The following C1orf185 variants were observed in gnomAD, a reference collection of about 807,000 sequenced individuals.
C1orf185 encodes the protein uncharacterized protein C1orf185.
A neutral mutation model predicts 16.1 loss-of-function variants in C1orf185; 13 were observed. The observed-to-expected ratio is 0.81, with a 90% CI of 0.53 to 1.28. The LOEUF is 1.28. Among genes scored for constraint, C1orf185 ranks in the 50% most tolerant of loss-of-function variants. The pLI is 0.00. For missense variants in C1orf185, 220 were observed against 225.2 expected, an observed-to-expected ratio of 0.98 and a Z score of 0.15; for synonymous variants, 80 against 76.9, an observed-to-expected ratio of 1.04 and a Z score of -0.21.
chr1:51,132,206 C>G (rs1015144409), intron 3 of C1orf185, among the ~76,000 whole-genome samples: 3 of 152,120 alleles, frequency 2.0e-5, no homozygotes. Context: ...TCCAAATGAC[C>G]ATCAGCTCTC....
intron 3 of C1orf185, among the ~76,000 whole-genome samples, chr1:51,133,126 T>C (rs940415866): frequency 1.4e-4 from 21 of 152,118 alleles, no homozygotes; most frequent in African/African-American, 5.1e-4. Flanking sequence ...TACGGACCAG[T>C]GACACTATAA....
At chr1:51,123,001 T>TATTTCTTAC (rs1646209047) in intron 3 of C1orf185, among the ~76,000 whole-genome samples, 1 of 152,158 alleles carries the variant, frequency 6.6e-6, no homozygotes, top group African/African-American at 2.4e-5. Context: ...AAACGAAATG[T>TATTTCTTAC]ATTTCTTACA....
At chr1:51,120,961 G>A (rs183329955) in intron 3 of C1orf185, among the ~76,000 whole-genome samples, 1 of 151,930 alleles carries the variant, frequency 6.6e-6, no homozygotes, top group African/African-American at 2.4e-5. Flanking sequence ...AGATAATTCA[G>A]GATTCTTTTA....
At chr1:51,139,310 C>T (rs186417721) in intron 3 of C1orf185, among the ~76,000 whole-genome samples, 1 of 152,162 alleles carries the variant, frequency 6.6e-6, no homozygotes, top group East Asian at 1.9e-4. Flanking sequence ...ACCATGTTGG[C>T]CAAGCTGGTC....
chr1:51,115,454 T>C (rs1646151099), intron 2 of C1orf185, among the ~76,000 whole-genome samples: 1 of 152,246 alleles, frequency 6.6e-6, no homozygotes, highest in South Asian at 2.1e-4. Flanking sequence ...ATTCTTTTGT[T>C]AATGGACATT....
chr1:51,105,211 C>T lies in C1orf185; in HGVS notation c.16+2962C>T, dbSNP rs191438104. ...CGAACTCCTCACCTCAGATGATCTG[C>T]CTGCCTCGGCCTCCCAAAGTGCTGG... is the stretch of plus-strand genomic sequence containing the variant. On this transcript the variant is annotated intron_variant, in intron 1 of 4. Transcript: ENST00000371759. 2.6e-5 allele frequency among the ~76,000 whole-genome samples: 4 copies of T among 152,198 alleles called. No individual in the cohort carries two copies. In the East Asian group the frequency reaches 7.7e-4, roughly 29 times the overall value.
chr1:51,112,428 A>C (rs1478281061), intron 1 of C1orf185, 36 bp from the exon 2 acceptor site: 1 of 1,458,180 alleles, frequency 6.9e-7, no homozygotes, highest in Admixed American at 2.1e-5. Flanking sequence ...ATAAAAATAC[A>C]TGCATGAAAT....
chr1:51,118,624 C>T lies in C1orf185; in HGVS notation c.123-42C>T, dbSNP rs1412528713. ...ATAATGATTTTAATTGTTTTATAAT[C>T]TAACTCAGGTTTAATAATATTCTTT... is the stretch of plus-strand genomic sequence containing the variant. On this transcript the variant is annotated intron_variant, in intron 2 of 4. Coordinates refer to ENST00000371759, the MANE Select transcript of C1orf185 (RefSeq NM_001136508.2). The T allele has an allele frequency of 2.6e-6, 3 of 1,139,202 alleles. No homozygotes were observed. In the African/African-American group the frequency reaches 4.8e-5, roughly 18 times the overall value. 70.6% of individuals were successfully genotyped at this position (1,139,202 alleles called of 1,614,324 possible). A position where few individuals can be genotyped will look rare whatever the true frequency, so the allele number is the denominator to read the frequency against.
intron 3 of C1orf185, among the ~76,000 whole-genome samples, chr1:51,127,797 T>C (rs1281804222): frequency 1.3e-5 from 2 of 152,142 alleles, no homozygotes; most frequent in Non-Finnish European, 2.9e-5. Flanking sequence ...GATATTGGGT[T>C]GTTTTTAGTT....
chr1:51,122,039 A>G (rs1290512529), intron 3 of C1orf185, among the ~76,000 whole-genome samples: 1 of 152,162 alleles, frequency 6.6e-6, no homozygotes, highest in East Asian at 1.9e-4. Context: ...TCCATATCTA[A>G]TCTTTCCTTT....
At chr1:51,135,033 G>A (rs1646313036) in intron 3 of C1orf185, among the ~76,000 whole-genome samples, 1 of 152,162 alleles carries the variant, frequency 6.6e-6, no homozygotes, top group African/African-American at 2.4e-5. Flanking sequence ...AAACCTGGCA[G>A]AGACACAAAA....
At chr1:51,110,900 C>T (rs759848784) in intron 1 of C1orf185, among the ~76,000 whole-genome samples, 31 of 147,062 alleles carry the variant, frequency 2.1e-4, no homozygotes, top group Non-Finnish European at 3.9e-4. Flanking sequence ...ACCCAGGAGT[C>T]GGAGGTTGCA....
At chr1:51,117,010 T>C (rs562637815) in intron 2 of C1orf185, among the ~76,000 whole-genome samples, 1 of 152,204 alleles carries the variant, frequency 6.6e-6, no homozygotes, top group East Asian at 1.9e-4. Flanking sequence ...ATTTCCACTC[T>C]TGTAATTTTT....
At chr1:51,126,646 A>G (rs895985603) in intron 3 of C1orf185, among the ~76,000 whole-genome samples, 1 of 152,214 alleles carries the variant, frequency 6.6e-6, no homozygotes. Flanking sequence ...GATTTATAGA[A>G]CAGTCATGAA....
intron 2 of C1orf185, among the ~76,000 whole-genome samples, chr1:51,115,031 T>G (rs1646147841): frequency 6.6e-6 from 1 of 152,126 alleles, no homozygotes; most frequent in Non-Finnish European, 1.5e-5. Flanking sequence ...ACTTTTTATG[T>G]CTGTTTTTTT....
At chr1:51,148,435 A>G (rs1481527658), downstream of C1orf185, among the ~76,000 whole-genome samples, 1 of 152,160 alleles carries the variant, frequency 6.6e-6, no homozygotes, top group Non-Finnish European at 1.5e-5. Context: ...AAAAAAATAT[A>G]TATTTTTGAA....
At chr1:51,152,276 A>G (rs1646433112), downstream of C1orf185, among the ~76,000 whole-genome samples, 1 of 152,182 alleles carries the variant, frequency 6.6e-6, no homozygotes, top group African/African-American at 2.4e-5. Flanking sequence ...GCCTCTCTAT[A>G]GTCTGTTTCC....
At chr1:51,139,122 G>A (rs1646347357) in intron 3 of C1orf185, among the ~76,000 whole-genome samples, 1 of 149,926 alleles carries the variant, frequency 6.7e-6, no homozygotes, top group African/African-American at 2.5e-5. Flanking sequence ...TTTTCCCAGA[G>A]ACAGAGTCTC....
At position 51,112,446 on chromosome 1, in the gene C1orf185, T is replaced by A. The variant is rs1398289369; in HGVS notation, c.17-18T>A. ...AAAATACATGCATGAAATAATCTTT[T>A]GTAATTTGTTTGTATAGGTTTTTTT... is the stretch of plus-strand genomic sequence containing the variant. On this transcript the variant is annotated intron_variant, in intron 1 of 4. Coordinates refer to ENST00000371759, the MANE Select transcript of C1orf185 (RefSeq NM_001136508.2). 3 of 1,505,670 alleles carry A rather than the reference T, an allele frequency of 2.0e-6. No homozygotes were observed. The highest frequency in any genetic ancestry group is 2.7e-6 in the Non-Finnish European group (3 of 1,117,430). The allele number at this position is 1,505,670 out of a possible 1,614,324, so 93.3% of individuals were successfully genotyped here. A position where few individuals can be genotyped will look rare whatever the true frequency, so the allele number is the denominator to read the frequency against.
Sources: gnomAD v4.1 joint callset for allele counts (sites outside exome capture counted in the v4.1 genomes callset) on GRCh38, gnomAD v4.1.1 for gene constraint, MANE v1.5 for transcripts, NCBI Gene and HGNC (gene_info 2026-07-23, HGNC 2026-07-21) for gene names.